Variants in PLXNB1 observed in about 807,000 individuals in gnomAD.
The protein encoded by PLXNB1 is plexin-B1.
A neutral mutation model predicts 209.4 loss-of-function variants in PLXNB1; 106 were observed. That is an observed-to-expected ratio of 0.51 (90% CI 0.43 to 0.59). The LOEUF (loss-of-function observed/expected upper bound fraction) is 0.59, where lower values mean the gene tolerates loss of function less well. PLXNB1 is among the 20% of genes least tolerant of loss of function. The pLI is 0.00. For synonymous variants in PLXNB1, 1,167 were observed against 1,183.2 expected, an observed-to-expected ratio of 0.99 and a Z score of 0.28; for missense variants, 2,357 against 2,853.2, an observed-to-expected ratio of 0.83 and a Z score of 3.96.
rs1284299651 is a variant in PLXNB1 at position 48,418,253 on chromosome 3, G to A, written c.3160C>T (p.Arg1054Trp). The change falls in exon 15 of 38, where the codon CGG (arginine) becomes TGG (tryptophan). Residue 1054 changes from arginine (R) to tryptophan (W), a missense_variant. Transcript: ENST00000296440. This position sits in a 1 kb window ranked among gnomAD's most constrained non-coding sequence, Gnocchi z 6.6. Reference sequence around the variant, plus strand: ...GCCTCAGCCTCACCACAGGCCTCCCGGGTCACACAACGTGGACGCTCCCCC... The same window carrying A: ...GCCTCAGCCTCACCACAGGCCTCCCAGGTCACACAACGTGGACGCTCCCCC... Reference protein sequence around the residue: ...CEGERPRCVTREACGEAEAVA... With the variant: ...CEGERPRCVTWEACGEAEAVA... The A allele has an allele frequency of 3.7e-6, 6 of 1,613,228 alleles. No individual in the cohort carries two copies. Among genetic ancestry groups the A allele is most frequent in the South Asian group, 2.2e-5 (2 of 91,056 alleles).
In PLXNB1 at chr3:48,406,325, ACAAT is replaced by A. The variant is rs753622189; in HGVS notation, c.6228+494_6228+497del. 2.0e-5 allele frequency among the ~76,000 whole-genome samples: 3 copies of A among 152,218 alleles called. No homozygotes were observed. Among genetic ancestry groups the A allele is most frequent in the Non-Finnish European group, 4.4e-5 (3 of 68,034 alleles). On this transcript the variant is annotated intron_variant, in intron 36 of 37. Coordinates refer to ENST00000296440, the MANE Select transcript of PLXNB1 (RefSeq NM_001130082.3). This position sits in a 1 kb window ranked among gnomAD's most constrained non-coding sequence, Gnocchi z 4.4. ...GGAGTTCTTGTGAGGATCAAATAAG[ACAAT>A]CAAAGCACCCCATGAAGGGCTTCAC...
chr3:48,404,615 G>C, intron 37 of PLXNB1, 25 bp from the exon 38 acceptor site: 1 of 1,516,380 alleles, frequency 6.6e-7, no homozygotes, highest in Admixed American at 1.8e-5. Context: ...AATGCCATCA[G>C]GGGAGACTTC....
In PLXNB1 at chr3:48,415,606, A is replaced by C. The variant is rs1346111584; in HGVS notation, c.3771T>G (p.Ala1257=). ...ACCTGAGGAAGCTCTTGGTGGGGCC[A>C]GCAGAGGTGATGTTGGGGTCCAAGG... The part of the protein sequence containing the change: ...KYTLDPNITS[A]GPTKSFLSGG... The change falls in exon 19 of 38, where the codon GCT becomes GCG. Residue 1257 remains alanine (A), a synonymous_variant. Coordinates refer to ENST00000296440, the MANE Select transcript of PLXNB1 (RefSeq NM_001130082.3). This position sits in a 1 kb window ranked among gnomAD's most constrained non-coding sequence, Gnocchi z 5.0. The C allele has an allele frequency of 1.3e-6, 2 of 1,584,088 alleles. No homozygotes were observed. The highest frequency in any genetic ancestry group is 1.7e-6 in the Non-Finnish European group (2 of 1,164,870).
Position 48,421,215 on chromosome 3 carries a change from T to A in PLXNB1, c.1810+13A>T. On this transcript the variant is annotated intron_variant, in intron 8 of 37. Transcript: ENST00000296440. ...GGCTGGCCCCCACCAGGCTGGCCCA[T>A]TCTCTCACCCACCGGCTCCTCTCGG... 6.2e-7 allele frequency: 1 copy of A among 1,612,174 alleles called. No homozygotes were observed. Among genetic ancestry groups the A allele is most frequent in the Non-Finnish European group, 8.5e-7 (1 of 1,179,248 alleles).
At position 48,404,172 on chromosome 3, in the gene PLXNB1, C is replaced by G; in HGVS notation, c.*314G>C. The stretch of plus-strand genomic sequence containing the variant: ...CCAAGGCCAGTGTTCAGGAACAGTA[C>G]AGTCTCCCCAGGGGCCTGGAGTCTC... On this transcript the variant is annotated 3_prime_UTR_variant, in exon 38 of 38. Transcript: ENST00000296440. The G allele has an allele frequency of 3.0e-6, 1 of 328,206 alleles. No homozygotes were observed. The highest frequency in any genetic ancestry group is 6.3e-5 in the South Asian group (1 of 15,770). The allele number at this position is 328,206 out of a possible 1,614,324, so 20.3% of individuals were successfully genotyped here. A position where few individuals can be genotyped will look rare whatever the true frequency, so the allele number is the denominator to read the frequency against.
chr3:48,410,370 C>T lies in PLXNB1; in HGVS notation c.5531G>A (p.Gly1844Glu), dbSNP rs758729631. ...NTLQHYKVPD[G>E]ATVALVPCLT... ...GCAGGGGACGAGGGCCACAGTTGCTCCATCTGGGACCTGCTGAGCACAGCT... is the reference window on the plus strand; with the variant it reads ...GCAGGGGACGAGGGCCACAGTTGCTTCATCTGGGACCTGCTGAGCACAGCT... Residue 1844 changes from glycine (G) to glutamate (E), a missense_variant, in exon 31 of 38, where the codon GGA (glycine) becomes GAA (glutamate). Coordinates refer to ENST00000296440, the MANE Select transcript of PLXNB1 (RefSeq NM_001130082.3). The surrounding 1 kb of genome is among the most constrained non-coding windows in gnomAD (Gnocchi z 6.4). The T allele has an allele frequency of 6.2e-7, 1 of 1,613,454 alleles. No individual in the cohort carries two copies. The highest frequency in any genetic ancestry group is 8.5e-7 in the Non-Finnish European group (1 of 1,179,556).
chr3:48,428,817 C>A (rs2039030692), intron 1 of PLXNB1, among the ~76,000 whole-genome samples: 1 of 152,048 alleles, frequency 6.6e-6, no homozygotes, highest in Non-Finnish European at 1.5e-5. Flanking sequence ...AGGGTCCCCC[C>A]CACCCGCCCG....
Position 48,415,866 on chromosome 3 carries a change from G to T in PLXNB1, c.3618-107C>A. 7.5e-7 allele frequency: 1 copy of T among 1,330,272 alleles called. No homozygotes were observed. Among genetic ancestry groups the T allele is most frequent in the Non-Finnish European group, 1.0e-6 (1 of 975,002 alleles). The allele number at this position is 1,330,272 out of a possible 1,614,324, so 82.4% of individuals were successfully genotyped here. On this transcript the variant is annotated intron_variant, in intron 18 of 37. Coordinates refer to ENST00000296440, the MANE Select transcript of PLXNB1 (RefSeq NM_001130082.3). The surrounding 1 kb of genome is among the most constrained non-coding windows in gnomAD (Gnocchi z 5.0). The stretch of plus-strand genomic sequence containing the variant: ...GCGCTGACTGCAGTCTCCACCAGGT[G>T]TCCCTGGAGGTGCACTCCCACCACA...
chr3:48,404,255 G>C lies in PLXNB1; in HGVS notation c.*231C>G. 1.9e-6 allele frequency: 1 copy of C among 529,790 alleles called. No individual in the cohort carries two copies. The highest frequency in any genetic ancestry group is 3.3e-6 in the Non-Finnish European group (1 of 299,308). The allele number at this position is 529,790 out of a possible 1,614,324, so 32.8% of individuals were successfully genotyped here. A position where few individuals can be genotyped will look rare whatever the true frequency, so the allele number is the denominator to read the frequency against. On this transcript the variant is annotated 3_prime_UTR_variant, in exon 38 of 38. Coordinates refer to ENST00000296440, the MANE Select transcript of PLXNB1 (RefSeq NM_001130082.3). ...AACTCCCTGCAGACCGGTGTCACAGGGTCGCTGGACTCGGGGAGCAGGCTG... is the reference window on the plus strand; with the variant it reads ...AACTCCCTGCAGACCGGTGTCACAGCGTCGCTGGACTCGGGGAGCAGGCTG...
chr3:48,424,463 C>A lies in PLXNB1; in HGVS notation c.149G>T (p.Gly50Val). The change falls in exon 3 of 38, where the codon GGG becomes GTG. Residue 50 changes from glycine to valine, a missense_variant. Physicochemically the swap from Gly to Val is moderately radical, Grantham distance 109. Coordinates refer to ENST00000296440, the MANE Select transcript of PLXNB1 (RefSeq NM_001130082.3). Reference sequence around the variant, plus strand: ...CAGCTGGAACAGGAAGTTGGTAGCCCCCAGGTAGAGGGTGCCTGAGGTGGG... The same window carrying A: ...CAGCTGGAACAGGAAGTTGGTAGCCACCAGGTAGAGGGTGCCTGAGGTGGG... ...RDPTSGTLYLGATNFLFQLSP... is the reference protein window; with the variant it reads ...RDPTSGTLYLVATNFLFQLSP... 1 of 1,597,962 alleles carries A rather than the reference C, an allele frequency of 6.3e-7. No individual in the cohort carries two copies. The highest frequency in any genetic ancestry group is 2.3e-5 in the East Asian group (1 of 43,974).
At chr3:48,412,118 G>T in intron 27 of PLXNB1, 109 bp from the exon 28 acceptor site, 1 of 1,478,670 alleles carries the variant, frequency 6.8e-7, no homozygotes, top group Non-Finnish European at 9.4e-7. Flanking sequence ...ACTGAGGACA[G>T]GCTGAGCAGG....
chr3:48,423,703 G>T lies in PLXNB1; in HGVS notation c.909C>A (p.Pro303=), dbSNP rs113923687. 4.3e-6 allele frequency: 7 copies of T among 1,613,698 alleles called. No homozygotes were observed. Among genetic ancestry groups the T allele is most frequent in the South Asian group, 1.1e-5 (1 of 91,070 alleles). Residue 303 remains proline, a synonymous_variant, in exon 3 of 38, where the codon CCC becomes CCA. Coordinates refer to ENST00000296440, the MANE Select transcript of PLXNB1 (RefSeq NM_001130082.3). ...CCGCCGATGGGGGCCGGCCCACAGTGGGGGGTGCAGCCGAGGAGAAAGCTG... is the reference window on the plus strand; with the variant it reads ...CCGCCGATGGGGGCCGGCCCACAGTTGGGGGTGCAGCCGAGGAGAAAGCTG... The part of the protein sequence containing the change: ...LFAAFSSAAP[P]TVGRPPSAAA...
At position 48,420,917 on chromosome 3, in the gene PLXNB1, A is replaced by G. The variant is rs1041911083; in HGVS notation, c.1850T>C (p.Val617Ala). 2 of 1,613,940 alleles carry G rather than the reference A, an allele frequency of 1.2e-6. No individual in the cohort carries two copies. Among genetic ancestry groups the G allele is most frequent in the Admixed American group, 1.7e-5 (1 of 60,000 alleles). Reference protein sequence around the residue: ...SVSVELRFGAVVIAKTSLSFY... With the variant: ...SVSVELRFGAAVIAKTSLSFY... Reference sequence around the variant, plus strand: ...AGAGAGGGAAGTTTTGGCGATCACAACAGCGCCAAATCTGAGCTCCACGCT... The same window carrying G: ...AGAGAGGGAAGTTTTGGCGATCACAGCAGCGCCAAATCTGAGCTCCACGCT... Residue 617 changes from valine (V) to alanine (A), a missense_variant, in exon 9 of 38, where the codon GTT (valine) becomes GCT (alanine). Coordinates refer to ENST00000296440, the MANE Select transcript of PLXNB1 (RefSeq NM_001130082.3).
At position 48,418,259 on chromosome 3, in the gene PLXNB1, C is replaced by T; in HGVS notation, c.3154G>A (p.Val1052Met). Residue 1052 changes from valine to methionine, a missense_variant, in exon 15 of 38, where the codon GTG becomes ATG. Physicochemically the swap from Val to Met is conservative, Grantham distance 21 (BLOSUM62 1). Coordinates refer to ENST00000296440, the MANE Select transcript of PLXNB1 (RefSeq NM_001130082.3). This position sits in a 1 kb window ranked among gnomAD's most constrained non-coding sequence, Gnocchi z 6.6. ...VWCEGERPRC[V>M]TREACGEAEA... is the part of the protein sequence containing the mutation. Reference sequence around the variant, plus strand: ...GCCTCACCACAGGCCTCCCGGGTCACACAACGTGGACGCTCCCCCTCACAC... The same window carrying T: ...GCCTCACCACAGGCCTCCCGGGTCATACAACGTGGACGCTCCCCCTCACAC... 6.2e-7 allele frequency: 1 copy of T among 1,613,560 alleles called. No individual in the cohort carries two copies. The highest frequency in any genetic ancestry group is 1.3e-5 in the African/African-American group (1 of 75,050).
rs567576960 is a variant in PLXNB1, at chr3:48,420,779, C to A, written c.1920-6G>T. On this transcript the variant is annotated splice_polypyrimidine_tract_variant and splice_region_variant and intron_variant, in intron 9 of 37. Transcript: ENST00000296440. ...TGCTCACACAGGCCTGGCACCTGCA[C>A]AGAGCACAGCCATGGGGCAAGGGTC... The A allele has an allele frequency of 6.2e-6, 10 of 1,613,822 alleles. No homozygotes were observed. The highest frequency in any genetic ancestry group is 4.0e-5 in the African/African-American group (3 of 75,048).
rs1411224464 is a variant in PLXNB1, at chr3:48,420,883, G to T, written c.1884C>A (p.Asp628Glu). 2.5e-6 allele frequency: 4 copies of T among 1,613,976 alleles called. No individual in the cohort carries two copies. The highest frequency in any genetic ancestry group is 3.4e-6 in the Non-Finnish European group (4 of 1,179,940). Residue 628 changes from aspartate to glutamate, a missense_variant, in exon 9 of 38, where the codon GAC (aspartate) becomes GAA (glutamate). Asp to Glu is a conservative substitution (Grantham distance 45). Around this residue, in one of 7 missense-constraint regions of PLXNB1, gnomAD observed 214 missense variants for 297.1 expected, o/e 0.72. Transcript: ENST00000296440. Reference sequence around the variant, plus strand: ...GGCGGAGTTCAGTGACCGCCACACAGTCATAGAAAGAGAGGGAAGTTTTGG... The same window carrying T: ...GGCGGAGTTCAGTGACCGCCACACATTCATAGAAAGAGAGGGAAGTTTTGG... ...VIAKTSLSFYDCVAVTELRPS... is the reference protein window; with the variant it reads ...VIAKTSLSFYECVAVTELRPS...
rs1302321510 is a variant in PLXNB1, at chr3:48,411,667, C to A, written c.5247+196G>T. ...AGCCTGGGGCACATAGAGGCCTTAT[C>A]ATCAAAGTCTGCCCTAAACTGCTAT... On this transcript the variant is annotated intron_variant, in intron 28 of 37. Transcript: ENST00000296440. This position sits in a 1 kb window ranked among gnomAD's most constrained non-coding sequence, Gnocchi z 4.0. 6.6e-6 allele frequency among the ~76,000 whole-genome samples: 1 copy of A among 152,190 alleles called. No homozygotes were observed. Among genetic ancestry groups the A allele is most frequent in the Non-Finnish European group, 1.5e-5 (1 of 68,026 alleles).
Position 48,418,427 on chromosome 3 carries a change from C to A in PLXNB1, c.3049+22G>T. On this transcript the variant is annotated intron_variant, in intron 14 of 37. Transcript: ENST00000296440. This position sits in a 1 kb window ranked among gnomAD's most constrained non-coding sequence, Gnocchi z 6.6. ...GAGAGCCCTGCTACCACCGCCAGCC[C>A]AGCAGCCCGCAGGTGGCTCACCATG... 6.2e-7 allele frequency: 1 copy of A among 1,613,132 alleles called. No individual in the cohort carries two copies. Among genetic ancestry groups the A allele is most frequent in the Admixed American group, 1.7e-5 (1 of 59,978 alleles).
chr3:48,420,080 A>G lies in PLXNB1; in HGVS notation c.2206T>C (p.Trp736Arg). 6.2e-7 allele frequency: 1 copy of G among 1,613,256 alleles called. No individual in the cohort carries two copies. Among genetic ancestry groups the G allele is most frequent in the Non-Finnish European group, 8.5e-7 (1 of 1,179,868 alleles). The change falls in exon 11 of 38, where the codon TGG becomes CGG. Residue 736 changes from tryptophan (W) to arginine (R), a missense_variant. This residue lies in a region of PLXNB1 where 410 missense variants were observed against 401.0 expected (regional missense o/e 1.02). Transcript: ENST00000296440. ...PGASPSLLSP[W>R]GPWAGSGSIS... is the part of the protein sequence containing the mutation. ...GAGCCAGAACCTGCCCATGGCCCCC[A>G]GGGGCTGAGCAGGGAAGGACTAGCC...
Sources: gnomAD v4.1 joint callset for allele counts (sites outside exome capture counted in the v4.1 genomes callset) on GRCh38, gnomAD v4.1.1 for gene constraint, gnomAD v4.1.1 regional missense constraint, Gnocchi (gnomAD v3.1) non-coding constraint, MANE v1.5 for transcripts, NCBI Gene and HGNC (gene_info 2026-07-23, HGNC 2026-07-21) for gene names.